The following STK32B variants were observed in gnomAD, a reference collection of about 807,000 sequenced individuals.
STK32B encodes the protein serine/threonine kinase 32B.
Under a neutral mutation model 52.6 loss-of-function variants are expected in STK32B, and 43 were observed. That is an observed-to-expected ratio of 0.82 (90% CI 0.64 to 1.05). STK32B has a LOEUF of 1.05. Among genes scored for constraint, STK32B ranks in the 50% least tolerant of loss-of-function variants. The probability of loss-of-function intolerance (pLI) is 0.00; values close to 1 mark genes in which losing one functional copy is unlikely to be tolerated. For synonymous variants in STK32B, 238 were observed against 204.3 expected (o/e 1.17, Z -1.41); for missense variants, 621 against 534.6 (o/e 1.16, Z -1.59).
intron 10 of STK32B, 45 bp downstream of exon 10, chr4:5,466,879 C>A: frequency 6.3e-7 from 1 of 1,590,538 alleles, no homozygotes; most frequent in South Asian, 1.2e-5. Flanking sequence ...ATCCTGTGCT[C>A]ATAGGGAAAT....
At position 5,056,974 on chromosome 4, in the gene STK32B, C is replaced by G. The variant is rs188108705; in HGVS notation, c.52+5059C>G. ...TGTTCCTTGAAGCACAGATTGGGAC[C>G]CTTTGGTGTATCCTACTTAATCGTT... On this transcript the variant is annotated intron_variant, in intron 1 of 11. Coordinates refer to ENST00000282908, the MANE Select transcript of STK32B (RefSeq NM_018401.3). 7.9e-5 allele frequency among the ~76,000 whole-genome samples: 12 copies of G among 152,198 alleles called. No homozygotes were observed. In the East Asian group the frequency reaches 2.3e-3, roughly 29 times the overall value.
intron 3 of STK32B, among the ~76,000 whole-genome samples, chr4:5,219,104 C>T (rs574940389): frequency 5.3e-5 from 8 of 152,362 alleles, no homozygotes; most frequent in African/African-American, 1.7e-4. Context: ...GTGAATGCTG[C>T]GTCTTTTTTC....
chr4:5,412,342 C>A (rs148252021), intron 5 of STK32B, among the ~76,000 whole-genome samples: 46 of 152,326 alleles, frequency 3.0e-4, no homozygotes, highest in African/African-American at 1.1e-3. Context: ...TTTTCACTTT[C>A]CTACATCTTC....
At chr4:5,419,385 C>A (rs1202188150) in intron 6 of STK32B, among the ~76,000 whole-genome samples, 1 of 152,132 alleles carries the variant, frequency 6.6e-6, no homozygotes, top group African/African-American at 2.4e-5. Flanking sequence ...CACAGTTTTT[C>A]CTTGGGGCTT....
At chr4:5,338,383 C>T (rs893321712) in intron 4 of STK32B, among the ~76,000 whole-genome samples, 3 of 152,116 alleles carry the variant, frequency 2.0e-5, no homozygotes, top group Non-Finnish European at 2.9e-5. Context: ...CTTTTAAGTG[C>T]GATGCTGTAC....
At position 5,494,039 on chromosome 4, in the gene STK32B, A is replaced by G. The variant is rs1173645028; in HGVS notation, c.1107-4906A>G. Among the ~76,000 whole-genome samples the G allele has an allele frequency of 4.6e-5, 7 of 152,282 alleles. No homozygotes were observed. In the South Asian group the frequency reaches 1.2e-3, roughly 27 times the overall value. On this transcript the variant is annotated intron_variant, in intron 11 of 11. Transcript: ENST00000282908. Reference sequence around the variant, plus strand: ...TGGAATAGGTGTGGTGTGGTGCTGAAAAAAATGTATATTCTGTTGATTTGG... The same window carrying G: ...TGGAATAGGTGTGGTGTGGTGCTGAGAAAAATGTATATTCTGTTGATTTGG...
At chr4:5,021,387 T>C in the STK32B span, among the ~76,000 whole-genome samples, 2 of 152,264 alleles carry the variant, frequency 1.3e-5, no homozygotes, top group Admixed American at 6.5e-5. Context: ...TGCTTGGAGG[T>C]GGCAAGTGGA....
chr4:5,286,653 G>A (rs1239451012), intron 3 of STK32B, among the ~76,000 whole-genome samples: 2 of 151,996 alleles, frequency 1.3e-5, no homozygotes, highest in Non-Finnish European at 2.9e-5. Context: ...TATAATTATA[G>A]CACAATTTAT....
At chr4:5,124,359 C>G (rs1416374294) in intron 1 of STK32B, among the ~76,000 whole-genome samples, 3 of 152,188 alleles carry the variant, frequency 2.0e-5, no homozygotes, top group African/African-American at 4.8e-5. Flanking sequence ...CCCTGACTCT[C>G]TTAGAGGTGG....
At chr4:5,295,658 C>T (rs1165120954) in intron 3 of STK32B, among the ~76,000 whole-genome samples, 1 of 151,838 alleles carries the variant, frequency 6.6e-6, no homozygotes, top group Non-Finnish European at 1.5e-5. Context: ...TTTGATTCTT[C>T]TCTCTTTTCC....
At chr4:5,461,467 C>T (rs1474947958) in intron 9 of STK32B, among the ~76,000 whole-genome samples, 1 of 152,196 alleles carries the variant, frequency 6.6e-6, no homozygotes, top group African/African-American at 2.4e-5. Context: ...GAGTGCCAGG[C>T]TTCCAGACCT....
intron 3 of STK32B, among the ~76,000 whole-genome samples, chr4:5,248,226 G>T (rs1457248621): frequency 6.6e-6 from 1 of 152,200 alleles, no homozygotes; most frequent in Non-Finnish European, 1.5e-5. Flanking sequence ...GGAGGAGCTG[G>T]AACTCAGAGG....
intron 4 of STK32B, among the ~76,000 whole-genome samples, chr4:5,334,311 T>G (rs568288911): frequency 0.025 from 3,752 of 151,994 alleles, 43 homozygotes; most frequent in African/African-American, 0.085. Context: ...TGCTTGTGAT[T>G]TTTATACATT....
At chr4:5,471,865 T>C (rs190042360) in intron 11 of STK32B, among the ~76,000 whole-genome samples, 133 of 152,320 alleles carry the variant, frequency 8.7e-4, no homozygotes, top group Middle Eastern at 3.4e-3. Context: ...CTGCAACTCC[T>C]ACATTCAATG....
intron 3 of STK32B, among the ~76,000 whole-genome samples, chr4:5,184,479 G>A (rs1037006362): frequency 1.3e-5 from 2 of 152,050 alleles, no homozygotes; most frequent in Admixed American, 6.5e-5. Flanking sequence ...CTTGAGGTCA[G>A]GAGTTCCAAA....
chr4:5,036,753 C>T, the STK32B span, among the ~76,000 whole-genome samples: 2,253 of 149,178 alleles, frequency 0.015, 57 homozygotes, highest in African/African-American at 0.053. Context: ...CTGCAACCTC[C>T]GCCTCCTGGG....
At chr4:5,191,792 G>C (rs1437075903) in intron 3 of STK32B, among the ~76,000 whole-genome samples, 3 of 152,134 alleles carry the variant, frequency 2.0e-5, no homozygotes, top group Non-Finnish European at 4.4e-5. Context: ...AAAGAATTAC[G>C]GGCTTAACAA....
chr4:5,033,695 C>CT, the STK32B span, among the ~76,000 whole-genome samples: 6 of 152,300 alleles, frequency 3.9e-5, no homozygotes, highest in African/African-American at 9.6e-5. Context: ...ACTGCAGCTG[C>CT]TACTTCCAGT....
chr4:5,161,846 C>T (rs1383040832), intron 2 of STK32B, among the ~76,000 whole-genome samples: 3 of 152,126 alleles, frequency 2.0e-5, no homozygotes, highest in African/African-American at 7.2e-5. Flanking sequence ...TACCCCCACC[C>T]ACCCCAAATC....
Sources: allele counts gnomAD v4.1 joint callset (sites outside exome capture counted in the v4.1 genomes callset), GRCh38; gene constraint gnomAD v4.1.1; transcripts MANE v1.5; gene names NCBI Gene and HGNC (gene_info 2026-07-23, HGNC 2026-07-21).